Variants in RASSF8 observed in about 807,000 individuals in gnomAD.
The protein encoded by RASSF8 is Ras association domain family member 8.
In RASSF8, 22 loss-of-function variants were observed where a neutral mutation model predicts 48.5. The ratio of observed to expected loss-of-function variants is 0.45; its 90% CI spans 0.32 to 0.65. The LOEUF is 0.65. Ranked by LOEUF, RASSF8 falls within the 30% of genes least tolerant of loss-of-function variation. RASSF8 has a pLI of 0.03. For synonymous variants in RASSF8, 127 were observed against 171.5 expected (o/e 0.74, Z 2.03); for missense variants, 418 against 489.2 (o/e 0.85, Z 1.37).
intron 1 of RASSF8, among the ~76,000 whole-genome samples, chr12:25,975,203 C>A (rs775072341): frequency 6.6e-6 from 1 of 152,040 alleles, no homozygotes; most frequent in Non-Finnish European, 1.5e-5. Flanking sequence ...GACAACAGGT[C>A]CAAAAGCACA....
chr12:25,982,722 T>A (rs979791422), intron 1 of RASSF8, among the ~76,000 whole-genome samples: 7 of 152,204 alleles, frequency 4.6e-5, no homozygotes, highest in Non-Finnish European at 1.0e-4. Flanking sequence ...GAAAAAAGTT[T>A]AGTAGACAAT....
chr12:26,075,555 ACT>A (rs1348509130), downstream of RASSF8, among the ~76,000 whole-genome samples: 1 of 151,730 alleles, frequency 6.6e-6, no homozygotes, highest in Non-Finnish European at 1.5e-5. Context: ...TATATCCACC[ACT>A]CTCTTTTATC....
chr12:25,958,313 C>T (rs1422100623), upstream of RASSF8: 4 of 151,968 alleles, frequency 2.6e-5, no homozygotes, highest in Non-Finnish European at 5.9e-5. Flanking sequence ...GTCATCTCCC[C>T]GCGCCCGGCT....
chr12:26,029,123 C>A lies in RASSF8; in HGVS notation c.-108-26113C>A, dbSNP rs533709401. On this transcript the variant is annotated intron_variant, in intron 2 of 5. Coordinates refer to ENST00000689635, the MANE Select transcript of RASSF8 (RefSeq NM_001394098.1). Reference sequence around the variant, plus strand: ...TGGTGCTATTCCACAAGTCTCTCTTCTACCAGGGAACTGCATCCTGTCCCT... The same window carrying A: ...TGGTGCTATTCCACAAGTCTCTCTTATACCAGGGAACTGCATCCTGTCCCT... Among the ~76,000 whole-genome samples, 48 of 152,210 alleles carry A rather than the reference C, an allele frequency of 3.2e-4. 1 individual carries two copies. The highest frequency in any genetic ancestry group is 5.7e-4 in the Non-Finnish European group (39 of 68,042).
rs146011369 is a variant in RASSF8, at chr12:26,021,910, G to A, written c.-109+26780G>A. Among the ~76,000 whole-genome samples, 110 of 152,302 alleles carry A rather than the reference G, an allele frequency of 7.2e-4. 1 individual carries two copies. Among genetic ancestry groups the A allele is most frequent in the Middle Eastern group, 6.8e-3 (2 of 294 alleles). The stretch of plus-strand genomic sequence containing the variant: ...CCTAAGGATGCTTTCAGAAACGAGA[G>A]GCTTTGGTGGTAAGCAAATAAGAGC... On this transcript the variant is annotated intron_variant, in intron 2 of 5. Coordinates refer to ENST00000689635, the MANE Select transcript of RASSF8 (RefSeq NM_001394098.1).
intron 2 of RASSF8, among the ~76,000 whole-genome samples, chr12:26,017,001 C>T (rs1258415803): frequency 6.6e-6 from 1 of 152,030 alleles, no homozygotes; most frequent in East Asian, 1.9e-4. Context: ...GTTTTTAGTA[C>T]TTTCCACTGG....
chr12:26,050,880 C>T (rs1365507609), intron 2 of RASSF8, among the ~76,000 whole-genome samples: 3 of 152,136 alleles, frequency 2.0e-5, no homozygotes, highest in Non-Finnish European at 4.4e-5. Context: ...TGATTTAGCA[C>T]CTCTTTTCTT....
At chr12:26,001,833 A>G (rs1015042874) in intron 2 of RASSF8, among the ~76,000 whole-genome samples, 1 of 152,230 alleles carries the variant, frequency 6.6e-6, no homozygotes, top group African/African-American at 2.4e-5. Flanking sequence ...GATTAAGAGT[A>G]TAGTAAATAC....
chr12:25,975,044 C>A (rs190006336), intron 1 of RASSF8, among the ~76,000 whole-genome samples: 124 of 152,172 alleles, frequency 8.1e-4, no homozygotes, highest in South Asian at 3.5e-3. Context: ...GATGTGGGTT[C>A]CCAGGGTGGG....
intron 1 of RASSF8, among the ~76,000 whole-genome samples, chr12:25,960,980 A>C (rs114619399): frequency 0.011 from 1,612 of 152,338 alleles, 28 homozygotes; most frequent in African/African-American, 0.031. Context: ...TTACAGATTT[A>C]AAATTCGACA....
chr12:26,020,624 G>A (rs760310158), intron 2 of RASSF8: 9 of 151,688 alleles, frequency 5.9e-5, no homozygotes, highest in Non-Finnish European at 1.0e-4. Context: ...TGCCAATATG[G>A]AACAAAATTA....
In RASSF8 at chr12:26,070,099, C is replaced by T. The variant is rs551533848; in HGVS notation, c.*1281C>T. On this transcript the variant is annotated 3_prime_UTR_variant, in exon 6 of 6. Transcript: ENST00000689635. ...GACACCACTTAGCCATTTTTACATT[C>T]CCTCTGGTTAGATTTGGTACAGTAT... is the stretch of plus-strand genomic sequence containing the variant. 2 of 978,902 alleles carry T rather than the reference C, an allele frequency of 2.0e-6. No homozygotes were observed. Among genetic ancestry groups the T allele is most frequent in the African/African-American group, 3.5e-5 (2 of 57,136 alleles). 60.6% of individuals were successfully genotyped at this position (978,902 alleles called of 1,614,324 possible).
intron 2 of RASSF8, among the ~76,000 whole-genome samples, chr12:26,031,279 C>G (rs781513933): frequency 6.6e-6 from 1 of 152,114 alleles, no homozygotes; most frequent in Non-Finnish European, 1.5e-5. Flanking sequence ...ATTGTCAAAC[C>G]TTTAAAATTC....
At position 26,070,615 on chromosome 12, in the gene RASSF8, A is replaced by G. The variant is rs1035518965; in HGVS notation, c.*1797A>G. 3.3e-5 allele frequency: 32 copies of G among 956,182 alleles called. No individual in the cohort carries two copies. Among genetic ancestry groups the G allele is most frequent in the Admixed American group, 6.2e-5 (1 of 16,234 alleles). The allele number at this position is 956,182 out of a possible 1,614,324, so 59.2% of individuals were successfully genotyped here. Reference sequence around the variant, plus strand: ...TTTCTATCTACCTATATTTAAAATTAGGATGATTAAAAAATAATTTATAGA... The same window carrying G: ...TTTCTATCTACCTATATTTAAAATTGGGATGATTAAAAAATAATTTATAGA... On this transcript the variant is annotated 3_prime_UTR_variant, in exon 6 of 6. Transcript: ENST00000689635.
chr12:26,021,967 T>C (rs1315691296), intron 2 of RASSF8, among the ~76,000 whole-genome samples: 2 of 152,186 alleles, frequency 1.3e-5, no homozygotes, highest in Non-Finnish European at 2.9e-5. Flanking sequence ...AGCAGTAGGC[T>C]AAACATAGGC....
At chr12:26,073,808 A>ATG (rs1491589348), downstream of RASSF8, among the ~76,000 whole-genome samples, 21 of 116,924 alleles carry the variant, frequency 1.8e-4, 1 homozygote, top group Non-Finnish European at 2.8e-4. Context: ...ATACACACAC[A>ATG]TATATATACA....
At chr12:26,056,761 C>A (rs887237440) in intron 3 of RASSF8, among the ~76,000 whole-genome samples, 1 of 152,158 alleles carries the variant, frequency 6.6e-6, no homozygotes, top group Non-Finnish European at 1.5e-5. Context: ...CTTTCACATC[C>A]GGTGAAACTC....
chr12:26,006,622 A>C, intron 2 of RASSF8, among the ~76,000 whole-genome samples: 1 of 152,148 alleles, frequency 6.6e-6, no homozygotes, highest in Non-Finnish European at 1.5e-5. Context: ...CACTTTGGAG[A>C]GGGAACTAGG....
intron 1 of RASSF8, among the ~76,000 whole-genome samples, chr12:25,992,278 A>T (rs906772025): frequency 2.6e-5 from 4 of 152,226 alleles, no homozygotes; most frequent in African/African-American, 9.6e-5. Context: ...AGAAGAGGCA[A>T]ACATTTCAAA....
Sources: allele counts gnomAD v4.1 joint callset (sites outside exome capture counted in the v4.1 genomes callset), GRCh38; gene constraint gnomAD v4.1.1; transcripts MANE v1.5; gene names NCBI Gene and HGNC (gene_info 2026-07-23, HGNC 2026-07-21).